The following PRUNE2 variants were observed in gnomAD, a reference collection of about 807,000 sequenced individuals.
The protein encoded by PRUNE2 is prune homolog 2 with BCH domain.
Under a neutral mutation model 252.0 loss-of-function variants are expected in PRUNE2, and 164 were observed. That is an observed-to-expected ratio of 0.65 (90% CI 0.57 to 0.74). The LOEUF is 0.74. Ranked by LOEUF, PRUNE2 falls within the 30% of genes least tolerant of loss-of-function variation. PRUNE2 has a pLI of 0.00. For missense variants in PRUNE2, 3,495 were observed against 3,711.0 expected (o/e 0.94, Z 1.51); for synonymous variants, 1,292 against 1,350.2 (o/e 0.96, Z 0.94).
intron 1 of PRUNE2, among the ~76,000 whole-genome samples, chr9:76,888,351 G>A (rs1169964897): frequency 6.6e-6 from 1 of 152,192 alleles, no homozygotes; most frequent in African/African-American, 2.4e-5. Context: ...GGCCAAGGCA[G>A]GCAGATCACA....
At chr9:76,847,435 T>G (rs953762119) in intron 3 of PRUNE2, among the ~76,000 whole-genome samples, 1 of 152,094 alleles carries the variant, frequency 6.6e-6, no homozygotes, top group African/African-American at 2.4e-5. Context: ...TTAATACAAT[T>G]TATACATTGT....
chr9:76,842,791 A>T (rs565502870), intron 4 of PRUNE2, among the ~76,000 whole-genome samples: 1 of 152,362 alleles, frequency 6.6e-6, no homozygotes, highest in African/African-American at 2.4e-5. Context: ...ATCTCATGCC[A>T]GTTAGAATGG....
intron 1 of PRUNE2, among the ~76,000 whole-genome samples, chr9:76,898,496 C>G (rs770270128): frequency 2.0e-5 from 3 of 152,022 alleles, no homozygotes; most frequent in Non-Finnish European, 4.4e-5. Context: ...GTAGATGAAC[C>G]CTGAATTAGG....
chr9:76,791,720 T>C (rs1489111670), intron 6 of PRUNE2, among the ~76,000 whole-genome samples: 1 of 152,162 alleles, frequency 6.6e-6, no homozygotes, highest in Non-Finnish European at 1.5e-5. Context: ...TGATCATGGC[T>C]GAGGTGATAC....
At chr9:76,680,601 T>C (rs2043316905) in intron 9 of PRUNE2, among the ~76,000 whole-genome samples, 1 of 152,196 alleles carries the variant, frequency 6.6e-6, no homozygotes, top group African/African-American at 2.4e-5. Flanking sequence ...ACCACATTCA[T>C]AGCAGTTATA....
Position 76,652,476 on chromosome 9 carries a change from G to GACTT in PRUNE2, c.8557+3_8557+6dup. On this transcript the variant is annotated splice_region_variant and intron_variant, in intron 11 of 18. Coordinates refer to ENST00000376718, the MANE Select transcript of PRUNE2 (RefSeq NM_015225.3). Reference sequence around the variant, plus strand: ...TTAACTTTGGCCTTGCCAACTTAGTGACTTACCATGGCCAGTGTACTCAAA... The same window carrying GACTT: ...TTAACTTTGGCCTTGCCAACTTAGTGACTTACTTACCATGGCCAGTGTACTCAAA... 6.2e-7 allele frequency: 1 copy of GACTT among 1,601,674 alleles called. No homozygotes were observed.
chr9:76,774,464 T>TTTTTTTTA (rs2053514093), intron 6 of PRUNE2, among the ~76,000 whole-genome samples: 2 of 142,780 alleles, frequency 1.4e-5, no homozygotes, highest in Non-Finnish European at 3.1e-5. Context: ...TTTTTTTTTT[T>TTTTTTTTA]TTTTTTTTTT....
chr9:76,727,522 TAAAC>T (rs989590589), intron 6 of PRUNE2, among the ~76,000 whole-genome samples: 1 of 152,102 alleles, frequency 6.6e-6, no homozygotes, highest in Non-Finnish European at 1.5e-5. Context: ...TCGATTCTCT[TAAAC>T]AAAGAAAACA....
At chr9:76,792,113 T>G (rs1368441069) in intron 6 of PRUNE2, among the ~76,000 whole-genome samples, 2 of 152,072 alleles carry the variant, frequency 1.3e-5, no homozygotes, top group African/African-American at 4.8e-5. Flanking sequence ...CACCCAAATC[T>G]CATTTTGAAT....
chr9:76,709,260 G>A lies in PRUNE2; in HGVS notation c.3014C>T (p.Ala1005Val), dbSNP rs1328486618. The A allele has an allele frequency of 1.2e-6, 2 of 1,610,286 alleles. No individual in the cohort carries two copies. The highest frequency in any genetic ancestry group is 1.7e-5 in the Admixed American group (1 of 59,468). The change falls in exon 8 of 19, where the codon GCA becomes GTA. Residue 1005 changes from alanine to valine, a missense_variant. By Grantham distance (64) the Ala-to-Val change is moderately conservative. Coordinates refer to ENST00000376718, the MANE Select transcript of PRUNE2 (RefSeq NM_015225.3). Reference protein sequence around the residue: ...GFESKDGNSTAEETDIPPQSL... With the variant: ...GFESKDGNSTVEETDIPPQSL... ...CTGAGGAGGAATGTCAGTCTCCTCT[G>A]CCGTGGAGTTACCATCTTTTGACTC... is the stretch of plus-strand genomic sequence containing the variant.
chr9:76,728,794 T>C (rs926509697), intron 6 of PRUNE2, among the ~76,000 whole-genome samples: 3 of 152,316 alleles, frequency 2.0e-5, no homozygotes, highest in African/African-American at 7.2e-5. Flanking sequence ...AGTTACTTAT[T>C]AGGCTAAGCT....
chr9:76,731,976 C>T (rs2048649127), intron 6 of PRUNE2, among the ~76,000 whole-genome samples: 1 of 152,208 alleles, frequency 6.6e-6, no homozygotes, highest in South Asian at 2.1e-4. Flanking sequence ...CACTAGCAAG[C>T]ATCAGGTCCT....
intron 6 of PRUNE2, among the ~76,000 whole-genome samples, chr9:76,789,470 A>C (rs2055344150): frequency 6.6e-6 from 1 of 152,144 alleles, no homozygotes; most frequent in African/African-American, 2.4e-5. Context: ...TTCCAAATAA[A>C]AGCTGTTACT....
chr9:76,689,633 G>T (rs550730626), intron 9 of PRUNE2, among the ~76,000 whole-genome samples: 8 of 152,148 alleles, frequency 5.3e-5, no homozygotes, highest in Admixed American at 5.2e-4. Flanking sequence ...TGCTGGGATT[G>T]CAGCCATGAG....
intron 9 of PRUNE2, among the ~76,000 whole-genome samples, chr9:76,674,358 G>C (rs1476051486): frequency 6.6e-6 from 1 of 152,028 alleles, no homozygotes; most frequent in Admixed American, 6.5e-5. Context: ...GGGATGTGAA[G>C]GACCTCTTCA....
chr9:76,669,748 C>T (rs1161898664), intron 9 of PRUNE2, among the ~76,000 whole-genome samples: 2 of 152,180 alleles, frequency 1.3e-5, no homozygotes, highest in African/African-American at 4.8e-5. Context: ...ACCCAGGACT[C>T]TTCTGGGGCA....
At chr9:76,840,969 G>A (rs980053702) in intron 4 of PRUNE2, among the ~76,000 whole-genome samples, 13 of 151,292 alleles carry the variant, frequency 8.6e-5, no homozygotes, top group East Asian at 3.9e-4. Flanking sequence ...CAACAAGCGC[G>A]AGACTTCCTC....
At chr9:76,661,283 T>C (rs1250729723) in intron 9 of PRUNE2, among the ~76,000 whole-genome samples, 3 of 152,136 alleles carry the variant, frequency 2.0e-5, no homozygotes, top group African/African-American at 7.2e-5. Flanking sequence ...GGTACAGTCG[T>C]CCAGGCTGGA....
chr9:76,829,119 C>T (rs1289776654), intron 4 of PRUNE2, among the ~76,000 whole-genome samples: 2 of 151,502 alleles, frequency 1.3e-5, no homozygotes, highest in East Asian at 3.9e-4. Flanking sequence ...ACTGCTTGTA[C>T]TAAGAACAAG....
Sources: gnomAD v4.1 joint callset for allele counts (sites outside exome capture counted in the v4.1 genomes callset) on GRCh38, gnomAD v4.1.1 for gene constraint, MANE v1.5 for transcripts, NCBI Gene and HGNC (gene_info 2026-07-23, HGNC 2026-07-21) for gene names.